The following OSBPL9 variants were observed in gnomAD, a reference collection of about 807,000 sequenced individuals.
OSBPL9 encodes oxysterol-binding protein-related protein 9.
Under a neutral mutation model 106.6 loss-of-function variants are expected in OSBPL9, and 40 were observed. The ratio of observed to expected loss-of-function variants is 0.38; its 90% CI spans 0.29 to 0.49. The LOEUF (loss-of-function observed/expected upper bound fraction) is 0.49, where lower values mean the gene tolerates loss of function less well. OSBPL9 is among the 20% of genes least tolerant of loss of function. The pLI is 0.97. For synonymous variants in OSBPL9, 269 were observed against 295.4 expected (o/e 0.91, Z 0.92); for missense variants, 609 against 887.2 (o/e 0.69, Z 3.98).
At chr1:51,545,832 C>T in the OSBPL9 span, among the ~76,000 whole-genome samples, 2 of 152,294 alleles carry the variant, frequency 1.3e-5, no homozygotes, top group African/African-American at 2.4e-5. Flanking sequence ...TAACATCCCT[C>T]TCTCAGAAAC....
chr1:51,590,684 C>T (rs114491238), intron 1 of OSBPL9, among the ~76,000 whole-genome samples: 2,534 of 148,350 alleles, frequency 0.017, 63 homozygotes, highest in African/African-American at 0.049. Flanking sequence ...TTTGAAGGTA[C>T]ACTCAATTAA....
intron 1 of OSBPL9, among the ~76,000 whole-genome samples, chr1:51,641,403 G>A (rs905329557): frequency 8.6e-5 from 13 of 152,040 alleles, no homozygotes; most frequent in African/African-American, 1.2e-4. Context: ...AACTTTGTGG[G>A]GATGTAAACA....
chr1:51,738,597 GT>G (rs1262347679), intron 4 of OSBPL9, among the ~76,000 whole-genome samples: 1 of 151,814 alleles, frequency 6.6e-6, no homozygotes, highest in African/African-American at 2.4e-5. Context: ...TTCCTGCTCT[GT>G]TTTCCATACT....
intron 4 of OSBPL9, among the ~76,000 whole-genome samples, chr1:51,714,720 A>G (rs1190986259): frequency 1.3e-5 from 2 of 152,172 alleles, no homozygotes; most frequent in Non-Finnish European, 2.9e-5. Flanking sequence ...AACCGAGTCC[A>G]TAGGAGGCTA....
chr1:51,760,870 T>G (rs1172889405), intron 10 of OSBPL9, 90 bp downstream of exon 10: 1 of 1,390,526 alleles, frequency 7.2e-7, no homozygotes, highest in East Asian at 2.4e-5. Context: ...ACTGTTTATT[T>G]TTGATTTTCC....
intron 3 of OSBPL9, among the ~76,000 whole-genome samples, chr1:51,689,051 C>T (rs1287446922): frequency 6.6e-6 from 1 of 152,148 alleles, no homozygotes. Context: ...TGCAGAAATA[C>T]CTTCACTCTA....
intron 1 of OSBPL9, among the ~76,000 whole-genome samples, chr1:51,645,362 G>A (rs78427626): frequency 0.012 from 1,811 of 152,098 alleles, 38 homozygotes; most frequent in African/African-American, 0.042. Context: ...GTTGAGTTGT[G>A]CGAGTTCTGT....
At chr1:51,524,894 T>C in the OSBPL9 span, among the ~76,000 whole-genome samples, 1 of 152,204 alleles carries the variant, frequency 6.6e-6, no homozygotes, top group African/African-American at 2.4e-5. Flanking sequence ...TTCTTTCATC[T>C]GCAGGTTTCA....
At chr1:51,568,474 A>G in the OSBPL9 span, among the ~76,000 whole-genome samples, 1 of 152,220 alleles carries the variant, frequency 6.6e-6, no homozygotes, top group South Asian at 2.1e-4. Flanking sequence ...AGGGAACTCT[A>G]GAGATCATCA....
chr1:51,692,379 A>C (rs890644720), intron 3 of OSBPL9, among the ~76,000 whole-genome samples: 1 of 152,090 alleles, frequency 6.6e-6, no homozygotes, highest in Non-Finnish European at 1.5e-5. Flanking sequence ...AACCAGTCAC[A>C]TTGTCATTTA....
At chr1:51,556,759 C>T in the OSBPL9 span, among the ~76,000 whole-genome samples, 1 of 150,590 alleles carries the variant, frequency 6.6e-6, no homozygotes, top group Non-Finnish European at 1.5e-5. Context: ...GCACTCCAGC[C>T]TGGATGACAG....
intron 4 of OSBPL9, among the ~76,000 whole-genome samples, chr1:51,721,182 C>T (rs902539164): frequency 1.3e-5 from 2 of 151,256 alleles, no homozygotes; most frequent in African/African-American, 2.4e-5. Flanking sequence ...ATCTAAAGCC[C>T]CTAGAGAGAA....
chr1:51,708,413 A>T (rs1044568781), intron 3 of OSBPL9, among the ~76,000 whole-genome samples: 1 of 152,080 alleles, frequency 6.6e-6, no homozygotes, highest in East Asian at 1.9e-4. Flanking sequence ...GCTTAAAAAG[A>T]ATATCTGTTT....
upstream of OSBPL9, among the ~76,000 whole-genome samples, chr1:51,573,040 T>C (rs1306118183): frequency 6.6e-6 from 1 of 152,042 alleles, no homozygotes; most frequent in Non-Finnish European, 1.5e-5. Flanking sequence ...GGTGAAATCC[T>C]GTCTCTACTA....
intron 6 of OSBPL9, among the ~76,000 whole-genome samples, chr1:51,747,112 G>A (rs961312827): frequency 2.0e-5 from 3 of 152,088 alleles, no homozygotes; most frequent in African/African-American, 7.2e-5. Context: ...TGGGATTACA[G>A]GCATGTGCCA....
At chr1:51,647,980 T>C (rs1447148719) in intron 1 of OSBPL9, among the ~76,000 whole-genome samples, 7 of 152,192 alleles carry the variant, frequency 4.6e-5, no homozygotes, top group African/African-American at 1.7e-4. Context: ...AATCCTGTTT[T>C]GTCATCCAGC....
intron 1 of OSBPL9, among the ~76,000 whole-genome samples, chr1:51,594,123 G>T (rs936863563): frequency 6.6e-6 from 1 of 152,052 alleles, no homozygotes; most frequent in African/African-American, 2.4e-5. Context: ...TTGGCTAGGC[G>T]CAGTGGCTCA....
chr1:51,610,790 T>G (rs1415663272), intron 2 of OSBPL9, among the ~76,000 whole-genome samples: 1 of 152,240 alleles, frequency 6.6e-6, no homozygotes, highest in Non-Finnish European at 1.5e-5. Flanking sequence ...CTGCTGCTGC[T>G]AAGCAGATTG....
chr1:51,765,528 A>C, intron 11 of OSBPL9: 1 of 193,958 alleles, frequency 5.2e-6, no homozygotes, highest in East Asian at 1.3e-4. Context: ...TTGCAACTCC[A>C]CAACTCATAT....
Sources: allele counts gnomAD v4.1 joint callset (sites outside exome capture counted in the v4.1 genomes callset), GRCh38; gene constraint gnomAD v4.1.1; transcripts MANE v1.5; gene names NCBI Gene and HGNC (gene_info 2026-07-23, HGNC 2026-07-21).